Variants in ADGRD2 observed in about 807,000 individuals in gnomAD.
ADGRD2 encodes G protein-coupled receptor PGR24.
ADGRD2 carries 71 observed loss-of-function variants against 44.4 expected under a neutral mutation model. The observed-to-expected ratio is 1.60, with a 90% CI of 1.32 to 1.95. The LOEUF is 1.95. Among genes scored for constraint, ADGRD2 ranks in the 30% most tolerant of loss-of-function variants. The probability of loss-of-function intolerance (pLI) is 0.00; values close to 1 mark genes in which losing one functional copy is unlikely to be tolerated. For synonymous variants in ADGRD2, 481 were observed against 224.8 expected, an observed-to-expected ratio of 2.14 and a Z score of -10.19; for missense variants, 1,039 against 512.4, an observed-to-expected ratio of 2.03 and a Z score of -9.92.
rs1831580052 is a variant in ADGRD2 at position 124,454,712 on chromosome 9, C to T, written c.1109-131C>T. On this transcript the variant is annotated intron_variant, in intron 5 of 21. Transcript: ENST00000334810. This position sits in a 1 kb window ranked among gnomAD's most constrained non-coding sequence, Gnocchi z 4.5. ...ATTCAGGCTCCCTATTCTGTAGCCCCTGAGAGTTGGCGGCTTGTGACAAGT... is the reference window on the plus strand; with the variant it reads ...ATTCAGGCTCCCTATTCTGTAGCCCTTGAGAGTTGGCGGCTTGTGACAAGT... The T allele has an allele frequency of 6.4e-6, 4 of 620,984 alleles. No individual in the cohort carries two copies. The highest frequency in any genetic ancestry group is 1.8e-5 in the African/African-American group (1 of 54,620). 38.5% of individuals were successfully genotyped at this position (620,984 alleles called of 1,614,324 possible).
exon 17 of ADGRD2, chr9:124,470,546 C>G: frequency 1.4e-6 from 1 of 710,764 alleles, no homozygotes; most frequent in Non-Finnish European, 2.6e-6. Flanking sequence ...CCTGACCTGG[C>G]TGGCAGGCAT....
At chr9:124,453,225 C>T in exon 3 of ADGRD2, 1 of 595,560 alleles carries the variant, frequency 1.7e-6, no homozygotes, top group Non-Finnish European at 2.9e-6. Context: ...TGCAGCTGCG[C>T]GCCTTCGCCG....
intron 16 of ADGRD2, 138 bp from the exon 20 acceptor site, chr9:124,470,356 C>T: frequency 1.7e-6 from 1 of 591,374 alleles, no homozygotes; most frequent in Non-Finnish European, 3.1e-6. Flanking sequence ...CTGGCTCCCT[C>T]TAAGTCCTGC....
chr9:124,460,887 C>T (rs1384474532), intron 10 of ADGRD2, among the ~76,000 whole-genome samples: 1 of 152,146 alleles, frequency 6.6e-6, no homozygotes, highest in Non-Finnish European at 1.5e-5. Flanking sequence ...CAAACTGTTC[C>T]CCAAAGTGGT....
chr9:124,469,166 C>T lies in ADGRD2; in HGVS notation c.2388-56C>T, dbSNP rs1038996368. On this transcript the variant is annotated intron_variant, in intron 14 of 21. Transcript: ENST00000334810. ...GCGGCTTGGGGGGCGGATCCTGGGTCCTGGAGAGGAAAAAGCAGGTGACCC... is the reference window on the plus strand; with the variant it reads ...GCGGCTTGGGGGGCGGATCCTGGGTTCTGGAGAGGAAAAAGCAGGTGACCC... 5 of 674,744 alleles carry T rather than the reference C, an allele frequency of 7.4e-6. No homozygotes were observed. The African/African-American group carries it at 8.8e-5, about 12-fold the overall frequency. 41.8% of individuals were successfully genotyped at this position (674,744 alleles called of 1,614,324 possible). A position where few individuals can be genotyped will look rare whatever the true frequency, so the allele number is the denominator to read the frequency against.
intron 1 of ADGRD2, 51 bp from the exon 5 acceptor site, chr9:124,452,459 A>T (rs967277009): frequency 1.4e-6 from 1 of 717,554 alleles, no homozygotes; most frequent in African/African-American, 1.7e-5. Flanking sequence ...GCCCTGGAAG[A>T]GTCAGATGCC....
At chr9:124,470,513 C>G (rs1249541216) in exon 17 of ADGRD2, 12 of 711,054 alleles carry the variant, frequency 1.7e-5, no homozygotes, top group Non-Finnish European at 2.9e-5. Context: ...GAAGCCCGTG[C>G]TGGTCCTGCT....
chr9:124,467,621 G>A lies in ADGRD2; in HGVS notation c.2027-100G>A, dbSNP rs1374075648. 8.0e-5 allele frequency: 54 copies of A among 675,638 alleles called. No individual in the cohort carries two copies. In the Admixed American group the frequency reaches 9.7e-4, roughly 12 times the overall value. The allele number at this position is 675,638 out of a possible 1,614,324, so 41.9% of individuals were successfully genotyped here. The stretch of plus-strand genomic sequence containing the variant: ...CTGGCTGCTGCTGCACTGTGGAGGC[G>A]AATGCGGCGTGGGGGGCCTTAGAGT... On this transcript the variant is annotated intron_variant, in intron 11 of 21. Transcript: ENST00000334810.
chr9:124,471,171 C>T (rs114359131), intron 17 of ADGRD2, among the ~76,000 whole-genome samples: 1,575 of 152,168 alleles, frequency 0.01, 44 homozygotes, highest in East Asian at 0.098. Flanking sequence ...CTGTGGGGGG[C>T]CAGAACATTA....
chr9:124,458,382 A>G, intron 9 of ADGRD2, 146 bp downstream of exon 12: 1 of 626,480 alleles, frequency 1.6e-6, no homozygotes. Flanking sequence ...ACACTTCTGC[A>G]CCTGCCAGAG....
exon 3 of ADGRD2, chr9:124,453,557 T>A (rs1019018658): frequency 8.6e-6 from 6 of 698,262 alleles, no homozygotes; most frequent in Middle Eastern, 2.4e-4. Context: ...CCCGCTCAGC[T>A]GCACCGGGCA....
chr9:124,475,285 C>T (rs984281894), intron 17 of ADGRD2, among the ~76,000 whole-genome samples, 161 bp from the exon 21 acceptor site: 24 of 152,360 alleles, frequency 1.6e-4, no homozygotes, highest in Non-Finnish European at 2.6e-4. Context: ...CCTCCGCAGG[C>T]GGGCACGAGG....
At chr9:124,475,571 G>C (rs557640516) in exon 19 of ADGRD2, 1 of 714,656 alleles carries the variant, frequency 1.4e-6, no homozygotes. Flanking sequence ...ATTCCCCCAG[G>C]TGCGGAGCGC....
In ADGRD2 at chr9:124,469,510, C is replaced by T. The variant is rs1290150965; in HGVS notation, c.2602C>T (p.Gln868Ter). 4 of 718,062 alleles carry T rather than the reference C, an allele frequency of 5.6e-6. No homozygotes were observed. The highest frequency in any genetic ancestry group is 4.0e-5 in the Admixed American group (2 of 50,006). 44.5% of individuals were successfully genotyped at this position (718,062 alleles called of 1,614,324 possible). A position where few individuals can be genotyped will look rare whatever the true frequency, so the allele number is the denominator to read the frequency against. The change falls in exon 16 of 22, where the codon CAG becomes TAG. Residue 868 changes from glutamine (Q) to a stop codon, truncating the protein, a stop_gained. Transcript: ENST00000334810. LOFTEE classifies it high-confidence loss of function. ...CCGCCGTGCCCGCATGTTGAGCCCA[C>T]AGCCCTGCCTGCAGCAGCAGATCTG...
intron 17 of ADGRD2, among the ~76,000 whole-genome samples, chr9:124,473,751 G>A (rs1831994243): frequency 6.6e-6 from 1 of 152,234 alleles, no homozygotes; most frequent in South Asian, 2.1e-4. Context: ...GGTCAAGGCA[G>A]TGTGGGGACA....
chr9:124,476,487 A>G (rs1322855528), intron 20 of ADGRD2, 72 bp downstream of exon 23: 8 of 676,326 alleles, frequency 1.2e-5, no homozygotes, highest in Non-Finnish European at 2.2e-5. Context: ...CAAAGTCGGG[A>G]AGCCACAGGG....
rs779529579 is a variant in ADGRD2 at position 124,453,182 on chromosome 9, T to C, written c.431T>C (p.Phe144Ser). The C allele has an allele frequency of 2.9e-5, 20 of 689,594 alleles. No individual in the cohort carries two copies. The South Asian group carries it at 3.0e-4, about 10-fold the overall frequency. 42.7% of individuals were successfully genotyped at this position (689,594 alleles called of 1,614,324 possible). The stretch of plus-strand genomic sequence containing the variant: ...GCCTCGCCCGACCCCGCAGCGCTCT[T>C]CTCCGTTGCCGCGCCCGCGCTGCCC... The change falls in exon 3 of 22, where the codon TTC (phenylalanine) becomes TCC (serine). Residue 144 changes from phenylalanine (F) to serine (S), a missense_variant. Coordinates refer to ENST00000334810, the Ensembl canonical transcript of ADGRD2.
At chr9:124,452,096 G>A in exon 1 of ADGRD2, 1 of 693,398 alleles carries the variant, frequency 1.4e-6, no homozygotes, top group South Asian at 1.5e-5. Flanking sequence ...CCCAGATCAG[G>A]AGTCTCTCTG....
chr9:124,458,309 G>C (rs1831656331), intron 9 of ADGRD2, 73 bp downstream of exon 12: 6 of 702,116 alleles, frequency 8.5e-6, no homozygotes, highest in Non-Finnish European at 1.6e-5. Flanking sequence ...CCCCCGTTCT[G>C]GTGGGCGCAT....
Sources: allele counts gnomAD v4.1 joint callset (sites outside exome capture counted in the v4.1 genomes callset), GRCh38; gene constraint gnomAD v4.1.1; non-coding constraint Gnocchi (gnomAD v3.1); transcripts MANE v1.5; gene names NCBI Gene and HGNC (gene_info 2026-07-23, HGNC 2026-07-21).